Variants in CCDC149 observed in about 807,000 individuals in gnomAD.
CCDC149 encodes coiled-coil domain-containing protein 149.
CCDC149 carries 45 observed loss-of-function variants against 59.9 expected under a neutral mutation model. The observed-to-expected ratio is 0.75, with a 90% CI of 0.59 to 0.96. CCDC149 has a LOEUF of 0.96. Ranked by LOEUF, CCDC149 falls within the 40% of genes least tolerant of loss-of-function variation. The probability of loss-of-function intolerance (pLI) is 0.00; values close to 1 mark genes in which losing one functional copy is unlikely to be tolerated. For missense variants in CCDC149, 584 were observed against 664.7 expected (o/e 0.88, Z 1.33); for synonymous variants, 245 against 260.6 (o/e 0.94, Z 0.58).
intron 1 of CCDC149, among the ~76,000 whole-genome samples, chr4:24,950,526 AG>A (rs1254634771): frequency 6.6e-6 from 1 of 152,208 alleles, no homozygotes; most frequent in Non-Finnish European, 1.5e-5. Context: ...GAACATTGGA[AG>A]GGGAGTGGAG....
rs1577395305 is a variant in CCDC149, at chr4:24,836,614, T to C, written c.663-106A>G. The C allele has an allele frequency of 1.3e-5, 9 of 703,748 alleles. No individual in the cohort carries two copies. The East Asian group carries it at 2.3e-4, about 18-fold the overall frequency. 43.6% of individuals were successfully genotyped at this position (703,748 alleles called of 1,614,324 possible). On this transcript the variant is annotated intron_variant, in intron 6 of 12. Transcript: ENST00000635206. ...AAACCACTTGCCAGAAGAGCTATCTTTTACACATAACACCTTGCCTGCTCA... is the reference window on the plus strand; with the variant it reads ...AAACCACTTGCCAGAAGAGCTATCTCTTACACATAACACCTTGCCTGCTCA...
At chr4:24,972,682 C>T (rs745886548) in intron 1 of CCDC149, among the ~76,000 whole-genome samples, 6 of 152,148 alleles carry the variant, frequency 3.9e-5, no homozygotes, top group Non-Finnish European at 5.9e-5. Context: ...TCATCAGAGA[C>T]ATTTTATTTA....
chr4:24,938,050 A>T (rs1041217202), intron 1 of CCDC149, among the ~76,000 whole-genome samples: 1 of 152,224 alleles, frequency 6.6e-6, no homozygotes, highest in Non-Finnish European at 1.5e-5. Flanking sequence ...AGCACAGAGC[A>T]TATGCTTGAA....
intron 1 of CCDC149, among the ~76,000 whole-genome samples, chr4:24,891,319 G>A (rs984879457): frequency 6.6e-6 from 1 of 152,164 alleles, no homozygotes; most frequent in African/African-American, 2.4e-5. Context: ...TCAAGGTGGG[G>A]ACTCCATCCA....
chr4:24,962,115 A>C (rs1723650229), intron 1 of CCDC149, among the ~76,000 whole-genome samples: 1 of 151,952 alleles, frequency 6.6e-6, no homozygotes, highest in Non-Finnish European at 1.5e-5. Context: ...AATTTACAAG[A>C]AAAAAACAAA....
At chr4:24,921,850 CT>C (rs758035428) in intron 1 of CCDC149, among the ~76,000 whole-genome samples, 1 of 152,212 alleles carries the variant, frequency 6.6e-6, no homozygotes, top group Non-Finnish European at 1.5e-5. Flanking sequence ...TCCGCACCCC[CT>C]ATTCCCCGCT....
At chr4:24,918,965 T>A (rs1337183809) in intron 1 of CCDC149, among the ~76,000 whole-genome samples, 1 of 152,200 alleles carries the variant, frequency 6.6e-6, no homozygotes, top group East Asian at 1.9e-4. Flanking sequence ...CAAGTAAACA[T>A]GATTTCTAGA....
At chr4:24,922,258 T>A (rs2109337108) in intron 1 of CCDC149, among the ~76,000 whole-genome samples, 1 of 152,216 alleles carries the variant, frequency 6.6e-6, no homozygotes, top group South Asian at 2.1e-4. Context: ...CGATGAGACA[T>A]CCCCCACCCC....
At chr4:24,898,284 G>A (rs150579080) in intron 1 of CCDC149, among the ~76,000 whole-genome samples, 3 of 152,172 alleles carry the variant, frequency 2.0e-5, no homozygotes, top group Admixed American at 1.3e-4. Flanking sequence ...TTAACCGAGA[G>A]ACACAGGTAG....
chr4:24,886,644 C>T (rs1000069942), intron 1 of CCDC149, among the ~76,000 whole-genome samples: 4 of 152,224 alleles, frequency 2.6e-5, no homozygotes, highest in African/African-American at 4.8e-5. Context: ...TAAAGCTCCC[C>T]TTCTTGTGTT....
chr4:24,874,254 T>TG (rs1719255201), intron 2 of CCDC149, among the ~76,000 whole-genome samples: 1 of 69,498 alleles, frequency 1.4e-5, no homozygotes, highest in African/African-American at 7.8e-5. Flanking sequence ...GTTTTTTTTT[T>TG]TTTTTGTTTT....
Position 24,836,521 on chromosome 4 carries a change from A to G in CCDC149, c.663-13T>C. 6.3e-7 allele frequency: 1 copy of G among 1,575,668 alleles called. No homozygotes were observed. The highest frequency in any genetic ancestry group is 8.7e-7 in the Non-Finnish European group (1 of 1,146,112). Reference sequence around the variant, plus strand: ...CTCTTGAAGGTACCTGAAAAAGAATACATAAAACTAGGAGGTGTTTAAGGG... The same window carrying G: ...CTCTTGAAGGTACCTGAAAAAGAATGCATAAAACTAGGAGGTGTTTAAGGG... On this transcript the variant is annotated splice_polypyrimidine_tract_variant and intron_variant, in intron 6 of 12. Coordinates refer to ENST00000635206, the MANE Select transcript of CCDC149 (RefSeq NM_001330643.2).
intron 1 of CCDC149, among the ~76,000 whole-genome samples, chr4:24,918,853 T>C (rs1560256541): frequency 6.6e-6 from 1 of 152,220 alleles, no homozygotes; most frequent in Non-Finnish European, 1.5e-5. Flanking sequence ...GCTTTTATTA[T>C]ATCAGTAGGG....
At chr4:24,956,044 C>A (rs1330912821) in intron 1 of CCDC149, among the ~76,000 whole-genome samples, 1 of 152,150 alleles carries the variant, frequency 6.6e-6, no homozygotes, top group African/African-American at 2.4e-5. Context: ...ATATATTAGA[C>A]TCTAGCGGTG....
chr4:24,885,488 T>G (rs909396888), intron 1 of CCDC149, among the ~76,000 whole-genome samples: 1 of 152,152 alleles, frequency 6.6e-6, no homozygotes, highest in Non-Finnish European at 1.5e-5. Flanking sequence ...TCTAATGCAG[T>G]ATTGTTAGAC....
At chr4:24,921,021 G>T (rs1722267634) in intron 1 of CCDC149, among the ~76,000 whole-genome samples, 1 of 152,140 alleles carries the variant, frequency 6.6e-6, no homozygotes. Context: ...GGAAAAGCAG[G>T]GGAGTAGAAA....
chr4:24,935,386 T>A (rs1047763567), intron 1 of CCDC149, among the ~76,000 whole-genome samples: 1 of 152,174 alleles, frequency 6.6e-6, no homozygotes, highest in Non-Finnish European at 1.5e-5. Context: ...AGGGGACTAT[T>A]AGAAATCAAA....
At chr4:24,824,800 A>G (rs973132436) in intron 9 of CCDC149, among the ~76,000 whole-genome samples, 1 of 152,214 alleles carries the variant, frequency 6.6e-6, no homozygotes, top group Non-Finnish European at 1.5e-5. Flanking sequence ...CTCTTAACCA[A>G]TACCCCATAA....
chr4:24,868,578 C>T (rs1718838131), intron 3 of CCDC149, among the ~76,000 whole-genome samples: 1 of 152,094 alleles, frequency 6.6e-6, no homozygotes, highest in African/African-American at 2.4e-5. Context: ...AGTACAATAA[C>T]TATATTATTG....
Sources: gnomAD v4.1 joint callset for allele counts (sites outside exome capture counted in the v4.1 genomes callset) on GRCh38, gnomAD v4.1.1 for gene constraint, MANE v1.5 for transcripts, NCBI Gene and HGNC (gene_info 2026-07-23, HGNC 2026-07-21) for gene names.